The following ZHX3 variants were observed in gnomAD, a reference collection of about 807,000 sequenced individuals.
ZHX3 encodes zinc fingers and homeoboxes protein 3.
ZHX3 carries 20 observed loss-of-function variants against 64.5 expected under a neutral mutation model. The ratio of observed to expected loss-of-function variants is 0.31; its 90% confidence interval spans 0.22 to 0.45. The LOEUF is 0.45. Among genes scored for constraint, ZHX3 ranks in the 20% least tolerant of loss-of-function variants. The pLI is 1.00. For synonymous variants in ZHX3, 423 were observed against 461.6 expected, an observed-to-expected ratio of 0.92 and a Z score of 1.07; for missense variants, 1,041 against 1,195.8, an observed-to-expected ratio of 0.87 and a Z score of 1.91.
intron 1 of ZHX3, among the ~76,000 whole-genome samples, chr20:41,286,174 A>G (rs2043927255): frequency 6.6e-6 from 1 of 152,250 alleles, no homozygotes; most frequent in Non-Finnish European, 1.5e-5. Context: ...TACTTTCAGA[A>G]AGATGGCTAC....
At chr20:41,215,614 G>C (rs2039463632) in intron 2 of ZHX3, among the ~76,000 whole-genome samples, 1 of 151,856 alleles carries the variant, frequency 6.6e-6, no homozygotes, top group Admixed American at 6.6e-5. Flanking sequence ...CAGCCCTCTT[G>C]AACATATCAC....
At chr20:41,316,999 G>A (rs747059823) in intron 1 of ZHX3, 2 of 152,468 alleles carry the variant, frequency 1.3e-5, no homozygotes. Context: ...TGGTCGAGCT[G>A]ACGCTCTTTA....
At chr20:41,313,179 G>A (rs550085516) in intron 1 of ZHX3, among the ~76,000 whole-genome samples, 25 of 152,316 alleles carry the variant, frequency 1.6e-4, no homozygotes, top group African/African-American at 5.0e-4. Flanking sequence ...ACGGAAGGCT[G>A]AAGGGGAGAG....
intron 2 of ZHX3, among the ~76,000 whole-genome samples, chr20:41,243,778 G>A (rs2041528355): frequency 6.6e-6 from 1 of 152,130 alleles, no homozygotes; most frequent in Non-Finnish European, 1.5e-5. Flanking sequence ...GTTGAAGGGG[G>A]CTATTAGAAG....
chr20:41,226,254 G>A lies in ZHX3; in HGVS notation c.-150-21188C>T, dbSNP rs753255616. On this transcript the variant is annotated intron_variant, in intron 2 of 3. Coordinates refer to ENST00000683867, the MANE Select transcript of ZHX3 (RefSeq NM_001384317.1). The surrounding 1 kb of genome is among the most constrained non-coding windows in gnomAD (Gnocchi z 4.4). ...CTACTAAAAATACAAAAAATTAGCCGGGCGTGCTGGCGAATGGCATGAACG... is the reference window on the plus strand; with the variant it reads ...CTACTAAAAATACAAAAAATTAGCCAGGCGTGCTGGCGAATGGCATGAACG... 6.6e-6 allele frequency among the ~76,000 whole-genome samples: 1 copy of A among 152,002 alleles called. No individual in the cohort carries two copies. Among genetic ancestry groups the A allele is most frequent in the Non-Finnish European group, 1.5e-5 (1 of 67,990 alleles).
intron 3 of ZHX3, among the ~76,000 whole-genome samples, chr20:41,187,587 C>T (rs1055491617): frequency 1.3e-5 from 2 of 152,088 alleles, no homozygotes; most frequent in African/African-American, 2.4e-5. Context: ...TTGACCATTA[C>T]GTGGGGATTT....
intron 1 of ZHX3, among the ~76,000 whole-genome samples, chr20:41,273,914 T>C (rs2043265745): frequency 6.6e-6 from 1 of 152,244 alleles, no homozygotes; most frequent in Non-Finnish European, 1.5e-5. Flanking sequence ...TTGCACTGAA[T>C]CTTTACATCA....
chr20:41,315,928 T>C (rs2045275156), intron 1 of ZHX3, among the ~76,000 whole-genome samples: 1 of 151,874 alleles, frequency 6.6e-6, no homozygotes. Context: ...CATGAATTAC[T>C]TTGGTAATTT....
intron 2 of ZHX3, among the ~76,000 whole-genome samples, chr20:41,218,068 G>A (rs2146315776): frequency 6.6e-6 from 1 of 152,168 alleles, no homozygotes; most frequent in East Asian, 1.9e-4. Context: ...ATGAGCCCAG[G>A]AGTTTGAGGC....
At chr20:41,299,994 G>GTT (rs1351858879) in intron 1 of ZHX3, 5 of 151,926 alleles carry the variant, frequency 3.3e-5, no homozygotes, top group African/African-American at 7.3e-5. Flanking sequence ...CTCCACCCGC[G>GTT]TTTTCTTTTT....
chr20:41,193,859 T>C (rs1329522241), intron 3 of ZHX3, among the ~76,000 whole-genome samples: 1 of 152,034 alleles, frequency 6.6e-6, no homozygotes, highest in Non-Finnish European at 1.5e-5. Context: ...CATGCCACCA[T>C]GCCCAGCTAA....
intron 1 of ZHX3, among the ~76,000 whole-genome samples, chr20:41,312,012 A>G (rs539596925): frequency 1.1e-4 from 17 of 152,178 alleles, no homozygotes; most frequent in Non-Finnish European, 1.9e-4. Flanking sequence ...GGGAGTAGAC[A>G]ATAAAGAAGA....
rs2038571193 is a variant in ZHX3 at position 41,204,836 on chromosome 20, G to A, written c.81C>T (p.Ala27=). The part of the protein sequence containing the change: ...TVVLQDASME[A]QPAETLPEGP... ...CTTCAGGCAAGGTCTCAGCGGGCTG[G>A]GCCTCCATGCTGGCATCTTGCAACA... The change falls in exon 3 of 4, where the codon GCC becomes GCT. Residue 27 remains alanine (A), a synonymous_variant. Transcript: ENST00000683867. The surrounding 1 kb of genome is among the most constrained non-coding windows in gnomAD (Gnocchi z 6.6). 1.2e-6 allele frequency: 2 copies of A among 1,602,464 alleles called. No individual in the cohort carries two copies. The highest frequency in any genetic ancestry group is 1.3e-5 in the African/African-American group (1 of 74,588).
intron 1 of ZHX3, among the ~76,000 whole-genome samples, chr20:41,311,308 T>G (rs1050217567): frequency 6.6e-6 from 1 of 152,160 alleles, no homozygotes; most frequent in Non-Finnish European, 1.5e-5. Context: ...CCTCAAAAGA[T>G]CCTATGAGAT....
At chr20:41,188,709 AC>A (rs1448318411) in intron 3 of ZHX3, among the ~76,000 whole-genome samples, 1 of 152,032 alleles carries the variant, frequency 6.6e-6, no homozygotes, top group Non-Finnish European at 1.5e-5. Flanking sequence ...CCTTTTGCCC[AC>A]TTTTTAATAT....
intron 3 of ZHX3, among the ~76,000 whole-genome samples, chr20:41,198,073 C>G (rs1378309639): frequency 6.9e-6 from 1 of 144,746 alleles, no homozygotes; most frequent in Non-Finnish European, 1.5e-5. Flanking sequence ...GGTGCGATCT[C>G]GGCTCACTGC....
Position 41,202,618 on chromosome 20 carries a change from C to G in ZHX3, c.2299G>C (p.Val767Leu), listed in dbSNP as rs746883866. 2 of 1,613,878 alleles carry G rather than the reference C, an allele frequency of 1.2e-6. No individual in the cohort carries two copies. The highest frequency in any genetic ancestry group is 1.7e-6 in the Non-Finnish European group (2 of 1,180,000). ...NKLAEQLPGK[V>L]SCKKTAQQRH... is the part of the protein sequence containing the mutation. ...TGCTGGGCAGTCTTTTTGCAGCTCACTTTGCCTGGGAGCTGCTCTGCCAGT... is the reference window on the plus strand; with the variant it reads ...TGCTGGGCAGTCTTTTTGCAGCTCAGTTTGCCTGGGAGCTGCTCTGCCAGT... The change falls in exon 3 of 4, where the codon GTG becomes CTG. Residue 767 changes from valine to leucine, a missense_variant. By Grantham distance (32) the Val-to-Leu change is conservative (BLOSUM62 1). This residue lies in a region of ZHX3 where 649 missense variants were observed against 739.8 expected (regional missense o/e 0.88). Coordinates refer to ENST00000683867, the MANE Select transcript of ZHX3 (RefSeq NM_001384317.1). The surrounding 1 kb of genome is among the most constrained non-coding windows in gnomAD (Gnocchi z 7.0).
chr20:41,269,595 A>T (rs183333485), intron 1 of ZHX3: 1 of 152,284 alleles, frequency 6.6e-6, no homozygotes, highest in East Asian at 1.9e-4. Flanking sequence ...TCGGTAAATG[A>T]ATGAGACAGT....
rs541674372 is a variant in ZHX3, at chr20:41,280,830, G to A, written c.-244-11747C>T. 2.5e-4 allele frequency among the ~76,000 whole-genome samples: 38 copies of A among 151,962 alleles called. 1 individual carries two copies. The South Asian group carries it at 3.7e-3, about 15-fold the overall frequency. ...ATGAATTCTCCCAAACCAAGAAATGGGAAATGAGAGGGGAAAGGAGGATAA... is the reference window on the plus strand; with the variant it reads ...ATGAATTCTCCCAAACCAAGAAATGAGAAATGAGAGGGGAAAGGAGGATAA... On this transcript the variant is annotated intron_variant, in intron 1 of 3. Transcript: ENST00000683867.
Sources: gnomAD v4.1 joint callset for allele counts (sites outside exome capture counted in the v4.1 genomes callset) on GRCh38, gnomAD v4.1.1 for gene constraint, gnomAD v4.1.1 regional missense constraint, Gnocchi (gnomAD v3.1) non-coding constraint, MANE v1.5 for transcripts, NCBI Gene and HGNC (gene_info 2026-07-23, HGNC 2026-07-21) for gene names.